CCSER1: variants seen among roughly 807,000 people sequenced by gnomAD.
CCSER1 encodes the protein serine-rich coiled-coil domain-containing protein 1.
Under a neutral mutation model 82.0 loss-of-function variants are expected in CCSER1, and 41 were observed. The observed-to-expected ratio is 0.50, with a 90% CI of 0.39 to 0.65. CCSER1 has a LOEUF of 0.65. Among genes scored for constraint, CCSER1 ranks in the 30% least tolerant of loss-of-function variants. CCSER1 has a pLI of 0.00. For missense variants in CCSER1, 1,119 were observed against 1,064.2 expected, an observed-to-expected ratio of 1.05 and a Z score of -0.72; for synonymous variants, 414 against 383.9, an observed-to-expected ratio of 1.08 and a Z score of -0.92.
intron 9 of CCSER1, among the ~76,000 whole-genome samples, chr4:91,011,613 A>C (rs1739011811): frequency 7.4e-6 from 1 of 134,506 alleles, no homozygotes; most frequent in Admixed American, 7.4e-5. Context: ...TGTCTATGAC[A>C]CTGAACCCTG....
intron 2 of CCSER1, among the ~76,000 whole-genome samples, chr4:90,310,222 T>C (rs1362827816): frequency 6.6e-6 from 1 of 152,112 alleles, no homozygotes; most frequent in Non-Finnish European, 1.5e-5. Context: ...ATTAACTAAC[T>C]GTGCAACTTT....
intron 1 of CCSER1, among the ~76,000 whole-genome samples, chr4:90,231,059 A>G (rs1217114135): frequency 1.3e-5 from 2 of 152,208 alleles, no homozygotes; most frequent in African/African-American, 4.8e-5. Flanking sequence ...AGGAACTGAT[A>G]CCATTCCTTC....
At chr4:91,241,516 C>T (rs1464644087) in intron 10 of CCSER1, among the ~76,000 whole-genome samples, 2 of 147,550 alleles carry the variant, frequency 1.4e-5, no homozygotes, top group Non-Finnish European at 3.0e-5. Flanking sequence ...TTAATAGAGA[C>T]GGGGTTTCCC....
chr4:90,417,564 T>G (rs1756008253), intron 4 of CCSER1, among the ~76,000 whole-genome samples: 1 of 152,122 alleles, frequency 6.6e-6, no homozygotes, highest in South Asian at 2.1e-4. Flanking sequence ...TTATGTTGTT[T>G]TGGTTATTTA....
intron 10 of CCSER1, among the ~76,000 whole-genome samples, chr4:91,298,022 G>C (rs1004456671): frequency 6.6e-6 from 1 of 151,824 alleles, no homozygotes; most frequent in South Asian, 2.1e-4. Flanking sequence ...GTGTTAAGAA[G>C]GAAAAAATCC....
intron 7 of CCSER1, among the ~76,000 whole-genome samples, chr4:90,767,183 A>G (rs1057078534): frequency 6.6e-6 from 1 of 152,222 alleles, no homozygotes; most frequent in Admixed American, 6.5e-5. Context: ...GATATGGCAT[A>G]ACAGATTCAT....
At chr4:91,541,987 A>C (rs929710600) in intron 10 of CCSER1, among the ~76,000 whole-genome samples, 1 of 152,154 alleles carries the variant, frequency 6.6e-6, no homozygotes, top group Non-Finnish European at 1.5e-5. Flanking sequence ...AGCGATGATG[A>C]GCATTTTTTC....
At chr4:90,424,867 AT>A (rs2153562956) in intron 4 of CCSER1, among the ~76,000 whole-genome samples, 1 of 152,260 alleles carries the variant, frequency 6.6e-6, no homozygotes, top group African/African-American at 2.4e-5. Context: ...CTTCATATTT[AT>A]TTCCTCTTTT....
chr4:90,365,667 T>C (rs1298874220), intron 3 of CCSER1, among the ~76,000 whole-genome samples: 1 of 151,850 alleles, frequency 6.6e-6, no homozygotes, highest in Non-Finnish European at 1.5e-5. Flanking sequence ...TTTGAAATAC[T>C]TGAAGAATCA....
chr4:91,112,551 T>TTA (rs1175972748), intron 10 of CCSER1: 3 of 152,170 alleles, frequency 2.0e-5, no homozygotes, highest in African/African-American at 7.2e-5. Flanking sequence ...ATTTAATGTA[T>TTA]TACTACTTAA....
intron 7 of CCSER1, among the ~76,000 whole-genome samples, chr4:90,750,738 T>C (rs1293017886): frequency 6.6e-6 from 1 of 152,190 alleles, no homozygotes; most frequent in Non-Finnish European, 1.5e-5. Context: ...TCATAAAACA[T>C]AGTAAACAGT....
intron 7 of CCSER1, among the ~76,000 whole-genome samples, chr4:90,786,587 A>G (rs1754549356): frequency 6.6e-6 from 1 of 152,180 alleles, no homozygotes. Flanking sequence ...CAGGTTTTTC[A>G]TTTAAAATTC....
intron 1 of CCSER1, among the ~76,000 whole-genome samples, chr4:90,190,524 C>A (rs926330352): frequency 6.6e-6 from 1 of 152,084 alleles, no homozygotes; most frequent in Non-Finnish European, 1.5e-5. Context: ...AAATATTCCT[C>A]CTCACATTTT....
chr4:91,217,943 G>T (rs891074071), intron 10 of CCSER1, among the ~76,000 whole-genome samples: 5 of 152,244 alleles, frequency 3.3e-5, no homozygotes, highest in Admixed American at 6.5e-5. Flanking sequence ...AGGTGGAGCT[G>T]CCTGCCAGTC....
intron 10 of CCSER1, among the ~76,000 whole-genome samples, chr4:91,310,668 A>C (rs1343455464): frequency 6.6e-6 from 1 of 151,934 alleles, no homozygotes; most frequent in Non-Finnish European, 1.5e-5. Context: ...CTAAGGGTAC[A>C]TGTTCTTTTG....
intron 10 of CCSER1, among the ~76,000 whole-genome samples, chr4:91,352,593 T>C (rs770517959): frequency 1.4e-4 from 22 of 152,186 alleles, no homozygotes; most frequent in Admixed American, 2.0e-4. Context: ...ACAGGGGTCA[T>C]ACAATTTTTC....
chr4:91,180,681 T>C (rs1035015512), intron 10 of CCSER1, among the ~76,000 whole-genome samples: 8 of 152,088 alleles, frequency 5.3e-5, no homozygotes, highest in Non-Finnish European at 8.8e-5. Context: ...AGGGTGTTAG[T>C]GTGCTGAGAG....
chr4:90,542,035 A>G (rs1410175803), intron 5 of CCSER1, among the ~76,000 whole-genome samples: 1 of 152,016 alleles, frequency 6.6e-6, no homozygotes, highest in Non-Finnish European at 1.5e-5. Flanking sequence ...ACATTTATAA[A>G]TTATTATATA....
Position 90,892,721 on chromosome 4 carries a change from A to C in CCSER1, c.2095-30649A>C, listed in dbSNP as rs182120584. ...TTATTATTGATTTCTTAACTTAAAA[A>C]ATACATATATAATCACTTCTATTTC... On this transcript the variant is annotated intron_variant, in intron 8 of 10. Transcript: ENST00000509176. 3.7e-4 allele frequency among the ~76,000 whole-genome samples: 56 copies of C among 152,182 alleles called. 1 individual carries two copies. The East Asian group carries it at 9.7e-3, about 26-fold the overall frequency.
Sources: allele counts gnomAD v4.1 joint callset (sites outside exome capture counted in the v4.1 genomes callset), GRCh38; gene constraint gnomAD v4.1.1; transcripts MANE v1.5; gene names NCBI Gene and HGNC (gene_info 2026-07-23, HGNC 2026-07-21).